Variants in ANKRD11 observed in about 807,000 individuals in gnomAD.
ANKRD11 encodes ankyrin repeat domain 11.
ANKRD11 carries 17 observed loss-of-function variants against 195.7 expected under a neutral mutation model. That is an observed-to-expected ratio of 0.09 (90% CI 0.06 to 0.13). The LOEUF (loss-of-function observed/expected upper bound fraction) is 0.13. Ranked by LOEUF, ANKRD11 falls within the 10% of genes least tolerant of loss-of-function variation. The pLI, the probability that ANKRD11 is intolerant of heterozygous loss-of-function variation, is 1.00. For missense variants in ANKRD11, 3,735 were observed against 3,566.1 expected, an observed-to-expected ratio of 1.05 and a Z score of -1.21; for synonymous variants, 1,953 against 1,528.1, an observed-to-expected ratio of 1.28 and a Z score of -6.49.
chr16:89,343,613 C>A (rs2038798662), intron 2 of ANKRD11: 1 of 152,226 alleles, frequency 6.6e-6, no homozygotes, highest in South Asian at 2.1e-4. Flanking sequence ...CAGAACCTCA[C>A]CCCAGTCAGA....
Position 89,291,297 on chromosome 16 carries a change from A to ACCTTCCTTTCT in ANKRD11, c.227-115_227-114insAGAAAGGAAGG. On this transcript the variant is annotated intron_variant, in intron 4 of 12. Coordinates refer to ENST00000301030, the MANE Select transcript of ANKRD11 (RefSeq NM_013275.6). The surrounding 1 kb of genome is among the most constrained non-coding windows in gnomAD (Gnocchi z 5.3). ...CCTGCGTCCACCTGACAGCTGACAG[A>ACCTTCCTTTCT]GCAGAAAGGAAGGTCTGTGTATGGG... 1 of 1,336,486 alleles carries ACCTTCCTTTCT rather than the reference A, an allele frequency of 7.5e-7. No homozygotes were observed. The highest frequency in any genetic ancestry group is 1.0e-6 in the Non-Finnish European group (1 of 961,120). 82.8% of individuals were successfully genotyped at this position (1,336,486 alleles called of 1,614,324 possible).
chr16:89,325,902 A>T (rs1242982651), intron 2 of ANKRD11, among the ~76,000 whole-genome samples: 3 of 152,164 alleles, frequency 2.0e-5, no homozygotes, highest in Admixed American at 1.3e-4. Context: ...TGGGACCCTC[A>T]AGGGCATGAG....
At chr16:89,399,901 C>T (rs2152154813) in intron 2 of ANKRD11, among the ~76,000 whole-genome samples, 1 of 152,316 alleles carries the variant, frequency 6.6e-6, no homozygotes, top group South Asian at 2.1e-4. Flanking sequence ...TCCCAGAGCA[C>T]AGGAAGGTCC....
Position 89,288,599 on chromosome 16 carries a change from C to T in ANKRD11, c.673G>A (p.Ala225Thr). Residue 225 changes from alanine (A) to threonine (T), a missense_variant, in exon 7 of 13, where the codon GCG becomes ACG. By Grantham distance (58) the Ala-to-Thr change is moderately conservative. Coordinates refer to ENST00000301030, the MANE Select transcript of ANKRD11 (RefSeq NM_013275.6). ...DVAKQLLAAG[A>T]EVNTKGLDDD... ...TCTAGGCCCTTGGTGTTCACCTCCG[C>T]ACCTGCAGCCAGCAGCTGCTTCGCG... 6.2e-7 allele frequency: 1 copy of T among 1,614,142 alleles called. No homozygotes were observed. The highest frequency in any genetic ancestry group is 8.5e-7 in the Non-Finnish European group (1 of 1,180,038).
chr16:89,338,336 G>A (rs910195032), intron 2 of ANKRD11, among the ~76,000 whole-genome samples: 1 of 151,856 alleles, frequency 6.6e-6, no homozygotes, highest in African/African-American at 2.4e-5. Flanking sequence ...GCTTACAGGG[G>A]TGCTGACAAA....
chr16:89,273,009 GGGCT>G (rs1567541074), intron 11 of ANKRD11: 7 of 150,088 alleles, frequency 4.7e-5, no homozygotes. Flanking sequence ...GGGTTGTGGG[GGGCT>G]GGCAGGGAGG....
intron 3 of ANKRD11, among the ~76,000 whole-genome samples, chr16:89,307,305 T>TA (rs1225275286): frequency 2.0e-5 from 3 of 152,206 alleles, no homozygotes; most frequent in African/African-American, 7.2e-5. Context: ...GGGACCCTGA[T>TA]ACATCTTCCA....
chr16:89,324,464 T>C, intron 2 of ANKRD11: 1 of 457,542 alleles, frequency 2.2e-6, no homozygotes, highest in Non-Finnish European at 4.4e-6. Context: ...GAGTTTCAAC[T>C]TGACTGGACT....
intron 2 of ANKRD11, among the ~76,000 whole-genome samples, chr16:89,349,751 G>A (rs978432257): frequency 2.6e-5 from 4 of 151,908 alleles, no homozygotes; most frequent in African/African-American, 9.7e-5. Flanking sequence ...GACACAAAAA[G>A]CACAAAGTAC....
chr16:89,443,151 C>T (rs1316725248), intron 1 of ANKRD11, among the ~76,000 whole-genome samples: 1 of 152,080 alleles, frequency 6.6e-6, no homozygotes. Flanking sequence ...ATCACCACGC[C>T]CAGCTAATTT....
chr16:89,354,911 G>A (rs750519605), intron 2 of ANKRD11, among the ~76,000 whole-genome samples: 1 of 152,098 alleles, frequency 6.6e-6, no homozygotes, highest in Non-Finnish European at 1.5e-5. Context: ...TGAGTGGCCT[G>A]GAAGCTCGTT....
chr16:89,295,711 C>T (rs900149178), intron 4 of ANKRD11, among the ~76,000 whole-genome samples: 14 of 151,972 alleles, frequency 9.2e-5, no homozygotes, highest in Admixed American at 6.6e-5. Context: ...GGCGGTGGCA[C>T]CTGGCTCTGT....
At chr16:89,320,531 C>G (rs1327570973) in intron 2 of ANKRD11, among the ~76,000 whole-genome samples, 4 of 152,234 alleles carry the variant, frequency 2.6e-5, no homozygotes, top group Admixed American at 6.5e-5. Flanking sequence ...TGACCGCCCC[C>G]AGGCCACGCA....
chr16:89,441,490 G>T (rs912474209), intron 1 of ANKRD11, among the ~76,000 whole-genome samples: 1 of 151,250 alleles, frequency 6.6e-6, no homozygotes, highest in Non-Finnish European at 1.5e-5. Flanking sequence ...AAACCTGGCC[G>T]GGCGCGGTGG....
At chr16:89,296,796 T>C (rs2035466329) in intron 4 of ANKRD11, among the ~76,000 whole-genome samples, 1 of 152,216 alleles carries the variant, frequency 6.6e-6, no homozygotes, top group South Asian at 2.1e-4. Context: ...TTGCTTTTGC[T>C]GTGGTGGGGG....
intron 4 of ANKRD11, chr16:89,301,355 A>G: frequency 2.5e-6 from 1 of 392,658 alleles, no homozygotes; most frequent in Non-Finnish European, 4.5e-6. Context: ...GATATCATAT[A>G]ATTTAATATG....
intron 3 of ANKRD11, 67 bp from the exon 4 acceptor site, chr16:89,305,411 T>A: frequency 6.2e-7 from 1 of 1,607,614 alleles, no homozygotes; most frequent in South Asian, 1.1e-5. Context: ...CAAGATTTTG[T>A]TTCATATGCC....
Position 89,285,529 on chromosome 16 carries a change from T to A in ANKRD11, c.1013A>T (p.Lys338Met). 6.2e-7 allele frequency: 1 copy of A among 1,614,066 alleles called. No homozygotes were observed. The highest frequency in any genetic ancestry group is 8.5e-7 in the Non-Finnish European group (1 of 1,179,938). The change falls in exon 9 of 13, where the codon AAG becomes ATG. Residue 338 changes from lysine (K) to methionine (M), a missense_variant. Coordinates refer to ENST00000301030, the MANE Select transcript of ANKRD11 (RefSeq NM_013275.6). The surrounding 1 kb of genome is among the most constrained non-coding windows in gnomAD (Gnocchi z 5.6). ...KHKAKNPEPQ[K>M]ATAPVKDEYE... ...CTCGTCCTTGACGGGGGCCGTGGCC[T>A]TCTGTGGCTCTGGGTTCTTGGCCTT...
At chr16:89,436,241 C>T (rs2043211343) in intron 1 of ANKRD11, among the ~76,000 whole-genome samples, 1 of 152,046 alleles carries the variant, frequency 6.6e-6, no homozygotes, top group Admixed American at 6.6e-5. Context: ...TCGGTGAAAC[C>T]TATCTGTACT....
Sources: allele counts gnomAD v4.1 joint callset (sites outside exome capture counted in the v4.1 genomes callset), GRCh38; gene constraint gnomAD v4.1.1; non-coding constraint Gnocchi (gnomAD v3.1); transcripts MANE v1.5; gene names NCBI Gene and HGNC (gene_info 2026-07-23, HGNC 2026-07-21).